PTCHD4: variants seen among roughly 807,000 people sequenced by gnomAD.
PTCHD4 encodes patched domain containing 4, also known as patched domain-containing protein 4.
A neutral mutation model predicts 58.1 loss-of-function variants in PTCHD4; 33 were observed. The ratio of observed to expected loss-of-function variants is 0.57; its 90% CI spans 0.43 to 0.76. The LOEUF (loss-of-function observed/expected upper bound fraction) is 0.76, where lower values mean the gene tolerates loss of function less well. Ranked by LOEUF, PTCHD4 falls within the 30% of genes least tolerant of loss-of-function variation. PTCHD4 has a pLI of 0.00. For missense variants in PTCHD4, 1,058 were observed against 1,027.1 expected, an observed-to-expected ratio of 1.03 and a Z score of -0.41; for synonymous variants, 478 against 409.6, an observed-to-expected ratio of 1.17 and a Z score of -2.02.
intron 1 of PTCHD4, among the ~76,000 whole-genome samples, chr6:48,092,070 T>G (rs191525388): frequency 6.6e-6 from 1 of 152,236 alleles, no homozygotes; most frequent in Admixed American, 6.5e-5. Flanking sequence ...CAACTTACTC[T>G]AATATATTTC....
chr6:47,987,671 G>C (rs1477390265), intron 4 of PTCHD4, among the ~76,000 whole-genome samples: 1 of 152,100 alleles, frequency 6.6e-6, no homozygotes, highest in Non-Finnish European at 1.5e-5. Context: ...AAGATGAGAA[G>C]TCTTATTGAG....
chr6:48,085,383 C>T (rs1308000301), intron 1 of PTCHD4, among the ~76,000 whole-genome samples: 1 of 152,078 alleles, frequency 6.6e-6, no homozygotes, highest in Non-Finnish European at 1.5e-5. Context: ...TTAGAACATT[C>T]TCACATATAA....
intron 4 of PTCHD4, among the ~76,000 whole-genome samples, chr6:47,938,284 T>C (rs1253691113): frequency 6.6e-6 from 1 of 152,244 alleles, no homozygotes; most frequent in Non-Finnish European, 1.5e-5. Flanking sequence ...CAATGGGAAC[T>C]GGACATGAAT....
At chr6:48,095,917 G>A (rs1299577572) in intron 1 of PTCHD4, among the ~76,000 whole-genome samples, 1 of 151,850 alleles carries the variant, frequency 6.6e-6, no homozygotes. Context: ...TAAATAATGA[G>A]AATTAAAACA....
At chr6:48,005,264 G>A (rs1762391289) in intron 4 of PTCHD4, among the ~76,000 whole-genome samples, 1 of 152,166 alleles carries the variant, frequency 6.6e-6, no homozygotes, top group African/African-American at 2.4e-5. Context: ...CAGTATCAGC[G>A]ACACACCCAG....
At chr6:48,028,531 A>C (rs1763330181) in intron 3 of PTCHD4, among the ~76,000 whole-genome samples, 1 of 152,162 alleles carries the variant, frequency 6.6e-6, no homozygotes, top group African/African-American at 2.4e-5. Flanking sequence ...AGACAATATC[A>C]AAAGTGCACT....
rs1484259591 is a variant in PTCHD4, at chr6:47,902,876, A to G, written c.899-22940T>C. Among the ~76,000 whole-genome samples the G allele has an allele frequency of 9.2e-5, 14 of 152,360 alleles. 1 individual carries two copies. The South Asian group carries it at 1.2e-3, about 14-fold the overall frequency. On this transcript the variant is annotated intron_variant, in intron 4 of 4. Coordinates refer to ENST00000339488, the MANE Select transcript of PTCHD4 (RefSeq NM_001384253.1). Reference sequence around the variant, plus strand: ...CGTATAATAGTTTCCATTTAAAGTTATAAAATAAATTGTCTTGGAGCTCTC... The same window carrying G: ...CGTATAATAGTTTCCATTTAAAGTTGTAAAATAAATTGTCTTGGAGCTCTC...
Position 48,055,891 on chromosome 6 carries a change from C to T in PTCHD4, c.417+12339G>A, listed in dbSNP as rs61735881. Among the ~76,000 whole-genome samples, 321 of 152,202 alleles carry T rather than the reference C, an allele frequency of 2.1e-3. 2 individuals are homozygous for T. The highest frequency in any genetic ancestry group is 3.5e-3 in the Non-Finnish European group (240 of 68,018). On this transcript the variant is annotated intron_variant, in intron 3 of 4. Transcript: ENST00000339488. Reference sequence around the variant, plus strand: ...ATACTGTCCCCTACATTGAATTGTACGGAAAGACTCAGTTCCTGGGAAGAA... The same window carrying T: ...ATACTGTCCCCTACATTGAATTGTATGGAAAGACTCAGTTCCTGGGAAGAA...
Position 47,863,267 on chromosome 6 carries a change from A to G in PTCHD4, c.*15036T>C, listed in dbSNP as rs1763476214. Reference sequence around the variant, plus strand: ...AATATCATACATTTGAAAATTTTATATAAACATAAGATGTGAACATACTGC... The same window carrying G: ...AATATCATACATTTGAAAATTTTATGTAAACATAAGATGTGAACATACTGC... On this transcript the variant is annotated 3_prime_UTR_variant, in exon 5 of 5. Coordinates refer to ENST00000339488, the MANE Select transcript of PTCHD4 (RefSeq NM_001384253.1). Among the ~76,000 whole-genome samples the G allele has an allele frequency of 6.6e-6, 1 of 151,916 alleles. No homozygotes were observed. The highest frequency in any genetic ancestry group is 1.5e-5 in the Non-Finnish European group (1 of 67,900).
intron 4 of PTCHD4, among the ~76,000 whole-genome samples, chr6:47,880,712 G>T (rs1014349076): frequency 6.6e-5 from 10 of 152,098 alleles, no homozygotes; most frequent in African/African-American, 2.4e-4. Context: ...ACCAATGTTT[G>T]TGTCCCTTTT....
At chr6:47,998,093 T>C (rs1768572004) in intron 4 of PTCHD4, among the ~76,000 whole-genome samples, 1 of 152,178 alleles carries the variant, frequency 6.6e-6, no homozygotes, top group East Asian at 1.9e-4. Context: ...CCCATTCTGG[T>C]TGGCAATTGC....
At chr6:47,998,362 G>A (rs1768582635) in intron 4 of PTCHD4, among the ~76,000 whole-genome samples, 1 of 152,144 alleles carries the variant, frequency 6.6e-6, no homozygotes, top group Non-Finnish European at 1.5e-5. Context: ...AAAAGCAAGA[G>A]CAGCACATAT....
chr6:47,949,404 C>A (rs1766546087), intron 4 of PTCHD4, among the ~76,000 whole-genome samples: 2 of 152,274 alleles, frequency 1.3e-5, no homozygotes, highest in Admixed American at 6.5e-5. Context: ...TTAGTGTCTG[C>A]AGTATATCTC....
At chr6:47,999,613 G>A (rs1768641379) in intron 4 of PTCHD4, among the ~76,000 whole-genome samples, 1 of 152,110 alleles carries the variant, frequency 6.6e-6, no homozygotes, top group South Asian at 2.1e-4. Flanking sequence ...TTCACGCTTT[G>A]GGAAATAGAC....
At chr6:48,090,805 T>C (rs1403681405) in intron 1 of PTCHD4, among the ~76,000 whole-genome samples, 1 of 152,196 alleles carries the variant, frequency 6.6e-6, no homozygotes, top group Non-Finnish European at 1.5e-5. Context: ...CACTTCAGTC[T>C]TGATTTGATT....
In PTCHD4 at chr6:47,875,541, T is replaced by G. The variant is rs1763825473; in HGVS notation, c.*2762A>C. Among the ~76,000 whole-genome samples, 1 of 151,952 alleles carries G rather than the reference T, an allele frequency of 6.6e-6. No individual in the cohort carries two copies. Among genetic ancestry groups the G allele is most frequent in the Admixed American group, 6.6e-5 (1 of 15,212 alleles). On this transcript the variant is annotated 3_prime_UTR_variant, in exon 5 of 5. Coordinates refer to ENST00000339488, the MANE Select transcript of PTCHD4 (RefSeq NM_001384253.1). The stretch of plus-strand genomic sequence containing the variant: ...AACAAATAATTCCATTTCAGTAAAT[T>G]ATTGCTACAGTTCTCTAAAGAGTAC...
At chr6:48,108,612 A>T (rs577109234) in intron 1 of PTCHD4, among the ~76,000 whole-genome samples, 2 of 151,940 alleles carry the variant, frequency 1.3e-5, no homozygotes, top group East Asian at 1.9e-4. Context: ...TAATAATAAA[A>T]AAATAAATAA....
chr6:47,986,767 T>C (rs566051179), intron 4 of PTCHD4, among the ~76,000 whole-genome samples: 55 of 152,280 alleles, frequency 3.6e-4, no homozygotes, highest in African/African-American at 1.3e-3. Context: ...ACCATGAATA[T>C]CATTTCTTTC....
chr6:48,068,776 C>A lies in PTCHD4; in HGVS notation c.6-135G>T, dbSNP rs1053691117. On this transcript the variant is annotated intron_variant, in intron 2 of 4. Transcript: ENST00000339488. This position sits in a 1 kb window ranked among gnomAD's most constrained non-coding sequence, Gnocchi z 4.2. The stretch of plus-strand genomic sequence containing the variant: ...CGCGCTCACCCCACAACCACTCCGC[C>A]TGGTCTTTCCCCGGCCCCACCTCCA... 1.3e-6 allele frequency: 1 copy of A among 773,676 alleles called. No individual in the cohort carries two copies. Among genetic ancestry groups the A allele is most frequent in the Admixed American group, 2.9e-5 (1 of 34,564 alleles). 47.9% of individuals were successfully genotyped at this position (773,676 alleles called of 1,614,324 possible).
Sources: allele counts gnomAD v4.1 joint callset (sites outside exome capture counted in the v4.1 genomes callset), GRCh38; gene constraint gnomAD v4.1.1; non-coding constraint Gnocchi (gnomAD v3.1); transcripts MANE v1.5; gene names NCBI Gene and HGNC (gene_info 2026-07-23, HGNC 2026-07-21).